Variants in CATSPERB observed in about 807,000 individuals in gnomAD.
CATSPERB encodes the protein catsper channel auxiliary subunit beta.
Under a neutral mutation model 128.3 loss-of-function variants are expected in CATSPERB, and 93 were observed. The ratio of observed to expected loss-of-function variants is 0.72; its 90% CI spans 0.61 to 0.86. The LOEUF is 0.86. CATSPERB is among the 40% of genes least tolerant of loss of function. The pLI, the probability that CATSPERB is intolerant of heterozygous loss-of-function variation, is 0.00. For synonymous variants in CATSPERB, 381 were observed against 448.8 expected (o/e 0.85, Z 1.91); for missense variants, 1,153 against 1,329.5 (o/e 0.87, Z 2.06).
chr14:91,710,293 A>C (rs576179467), intron 5 of CATSPERB: 1 of 152,200 alleles, frequency 6.6e-6, no homozygotes, highest in African/African-American at 2.4e-5. Flanking sequence ...TCTCACTTTG[A>C]AAATGTATCT....
intron 14 of CATSPERB, among the ~76,000 whole-genome samples, chr14:91,666,753 G>A (rs189021810): frequency 1.3e-5 from 2 of 152,228 alleles, no homozygotes; most frequent in African/African-American, 2.4e-5. Flanking sequence ...TCAGACAACC[G>A]CCTACTTAGA....
chr14:91,581,862 G>C (rs909430054), intron 26 of CATSPERB, among the ~76,000 whole-genome samples: 1 of 152,076 alleles, frequency 6.6e-6, no homozygotes, highest in Non-Finnish European at 1.5e-5. Flanking sequence ...TTTTGTGGGA[G>C]AAGAACGTGC....
At chr14:91,698,093 C>T (rs1895592191) in intron 7 of CATSPERB, among the ~76,000 whole-genome samples, 1 of 151,956 alleles carries the variant, frequency 6.6e-6, no homozygotes, top group Non-Finnish European at 1.5e-5. Context: ...GATCTTTCAC[C>T]TCCTTGGTTA....
At chr14:91,594,488 GAA>G (rs200061052) in intron 22 of CATSPERB, among the ~76,000 whole-genome samples, 124 of 145,396 alleles carry the variant, frequency 8.5e-4, no homozygotes, top group East Asian at 4.2e-3. Flanking sequence ...AATAATAAAA[GAA>G]AAAAAAAAAA....
At chr14:91,616,751 T>C (rs1322775931) in intron 20 of CATSPERB, among the ~76,000 whole-genome samples, 1 of 144,616 alleles carries the variant, frequency 6.9e-6, no homozygotes, top group East Asian at 2.0e-4. Flanking sequence ...TTTTTTTTTT[T>C]TTTTTTTGAG....
chr14:91,718,156 T>A (rs1533080), intron 5 of CATSPERB, among the ~76,000 whole-genome samples: 1 of 151,958 alleles, frequency 6.6e-6, no homozygotes, highest in Non-Finnish European at 1.5e-5. Flanking sequence ...TAACACTCCA[T>A]CATTATATTA....
chr14:91,716,509 C>G (rs770066967), intron 5 of CATSPERB, among the ~76,000 whole-genome samples: 1 of 151,898 alleles, frequency 6.6e-6, no homozygotes, highest in Non-Finnish European at 1.5e-5. Context: ...ACCCAGGAGG[C>G]GGAGGCTGCA....
intron 17 of CATSPERB, among the ~76,000 whole-genome samples, chr14:91,626,563 GA>G (rs1894167642): frequency 6.6e-6 from 1 of 151,862 alleles, no homozygotes; most frequent in Non-Finnish European, 1.5e-5. Context: ...CCTGATAAAA[GA>G]ATGAATTCAG....
chr14:91,593,906 TGG>T (rs1175206055), intron 22 of CATSPERB, among the ~76,000 whole-genome samples: 86 of 74,316 alleles, frequency 1.2e-3, no homozygotes, highest in South Asian at 5.9e-3. Context: ...CATTGAATCA[TGG>T]GCGCTGCTGG....
intron 7 of CATSPERB, among the ~76,000 whole-genome samples, chr14:91,702,675 A>AACAC (rs71461951): frequency 0.19 from 28,302 of 145,394 alleles, 3,026 homozygotes; most frequent in African/African-American, 0.29. Flanking sequence ...CAAAAAAGAA[A>AACAC]ACACACACAC....
At chr14:91,652,797 T>C (rs1894729557) in intron 15 of CATSPERB, among the ~76,000 whole-genome samples, 1 of 152,020 alleles carries the variant, frequency 6.6e-6, no homozygotes, top group African/African-American at 2.4e-5. Context: ...CTTTCATTTA[T>C]TTCACAATCA....
At chr14:91,590,171 T>C (rs35523208) in intron 23 of CATSPERB, among the ~76,000 whole-genome samples, 19,761 of 152,218 alleles carry the variant, frequency 0.13, 1,493 homozygotes, top group Middle Eastern at 0.22. Context: ...ATTTAGTAGA[T>C]AGTAAGTGCT....
Position 91,729,496 on chromosome 14 carries a change from G to A in CATSPERB, c.1-17C>T. The stretch of plus-strand genomic sequence containing the variant: ...CGATTCCATCTGTTGGAATAAATAA[G>A]AATTATTTTCACTCAATTTCTGAAC... On this transcript the variant is annotated splice_polypyrimidine_tract_variant and intron_variant, in intron 1 of 26. Transcript: ENST00000256343. 1 of 1,374,966 alleles carries A rather than the reference G, an allele frequency of 7.3e-7. No individual in the cohort carries two copies. Among genetic ancestry groups the A allele is most frequent in the Non-Finnish European group, 1.0e-6 (1 of 984,728 alleles). The allele number at this position is 1,374,966 out of a possible 1,614,324, so 85.2% of individuals were successfully genotyped here. A position where few individuals can be genotyped will look rare whatever the true frequency, so the allele number is the denominator to read the frequency against.
At chr14:91,607,093 G>T (rs1007379879) in intron 22 of CATSPERB, among the ~76,000 whole-genome samples, 5 of 107,904 alleles carry the variant, frequency 4.6e-5, no homozygotes, top group Admixed American at 2.1e-4. Context: ...GCGGGGGGGG[G>T]GGGGGCGGTG....
intron 7 of CATSPERB, among the ~76,000 whole-genome samples, chr14:91,701,457 G>A: frequency 6.6e-6 from 1 of 152,156 alleles, no homozygotes; most frequent in Admixed American, 6.5e-5. Flanking sequence ...GGGGGAATTT[G>A]TTAATGACAG....
At chr14:91,630,939 T>C (rs1288452927) in intron 17 of CATSPERB, among the ~76,000 whole-genome samples, 2 of 152,228 alleles carry the variant, frequency 1.3e-5, no homozygotes, top group East Asian at 1.9e-4. Context: ...GCATCATCTA[T>C]ACTGGCTTTC....
chr14:91,706,246 A>G (rs1012026155), intron 6 of CATSPERB, among the ~76,000 whole-genome samples: 3 of 152,140 alleles, frequency 2.0e-5, no homozygotes. Flanking sequence ...AAAGAGACAC[A>G]ATCTCTAACT....
At chr14:91,663,128 G>A (rs1894913699) in intron 14 of CATSPERB, among the ~76,000 whole-genome samples, 1 of 151,462 alleles carries the variant, frequency 6.6e-6, no homozygotes. Flanking sequence ...TTTTTAAAAA[G>A]AGGATGCAGA....
chr14:91,649,185 A>C (rs535442830), intron 15 of CATSPERB, among the ~76,000 whole-genome samples: 7 of 152,254 alleles, frequency 4.6e-5, no homozygotes, highest in African/African-American at 1.7e-4. Flanking sequence ...TATGGTGATA[A>C]CTGTAGACCA....
Sources: allele counts gnomAD v4.1 joint callset (sites outside exome capture counted in the v4.1 genomes callset), GRCh38; gene constraint gnomAD v4.1.1; transcripts MANE v1.5; gene names NCBI Gene and HGNC (gene_info 2026-07-23, HGNC 2026-07-21).